The following LRRC7 variants were observed in gnomAD, a reference collection of about 807,000 sequenced individuals.
LRRC7 encodes leucine rich repeat containing 7.
A neutral mutation model predicts 175.7 loss-of-function variants in LRRC7; 23 were observed. The ratio of observed to expected loss-of-function variants is 0.13; its 90% confidence interval spans 0.09 to 0.19. LRRC7 has a LOEUF of 0.19. Among genes scored for constraint, LRRC7 ranks in the 10% least tolerant of loss-of-function variants. The pLI is 1.00. For missense variants in LRRC7, 1,354 were observed against 1,904.7 expected, an observed-to-expected ratio of 0.71 and a Z score of 5.38; for synonymous variants, 685 against 680.9, an observed-to-expected ratio of 1.01 and a Z score of -0.09.
At chr1:69,625,142 A>T (rs1319991067) in intron 1 of LRRC7, among the ~76,000 whole-genome samples, 2 of 151,876 alleles carry the variant, frequency 1.3e-5, no homozygotes, top group African/African-American at 4.8e-5. Context: ...TTGTGGGGAG[A>T]TTTTAATTAC....
chr1:69,732,495 C>T (rs1431957146), intron 2 of LRRC7, among the ~76,000 whole-genome samples: 1 of 151,976 alleles, frequency 6.6e-6, no homozygotes, highest in Non-Finnish European at 1.5e-5. Flanking sequence ...ATTCACAGAA[C>T]TTTAAAAGAG....
At position 69,770,951 on chromosome 1, in the gene LRRC7, G is replaced by A. The variant is rs1253449358; in HGVS notation, c.303+10558G>A. 2.0e-5 allele frequency among the ~76,000 whole-genome samples: 3 copies of A among 152,218 alleles called. No individual in the cohort carries two copies. In the East Asian group the frequency reaches 5.8e-4, roughly 29 times the overall value. ...GACGTAAGTCATGTATCCACTCTTC[G>A]ATTAATGTTTCCAGAAATACAAGAA... On this transcript the variant is annotated intron_variant, in intron 3 of 26. Coordinates refer to ENST00000651989, the MANE Select transcript of LRRC7 (RefSeq NM_001370785.2).
chr1:70,013,539 A>C (rs577137210), intron 13 of LRRC7, among the ~76,000 whole-genome samples: 77 of 152,130 alleles, frequency 5.1e-4, no homozygotes, highest in African/African-American at 1.8e-3. Context: ...CAAAGTGCTC[A>C]TTAGAATACT....
At chr1:70,050,852 C>T (rs1660693096) in intron 22 of LRRC7, among the ~76,000 whole-genome samples, 1 of 151,998 alleles carries the variant, frequency 6.6e-6, no homozygotes. Flanking sequence ...TCTATTTCTG[C>T]AGACTTAAGC....
intron 23 of LRRC7, among the ~76,000 whole-genome samples, chr1:70,056,890 G>A (rs547248326): frequency 1.3e-5 from 2 of 152,242 alleles, no homozygotes; most frequent in African/African-American, 4.8e-5. Flanking sequence ...ACGGTCAACT[G>A]TCAAATGATG....
intron 2 of LRRC7, among the ~76,000 whole-genome samples, chr1:69,752,683 T>C (rs1164581912): frequency 6.6e-6 from 1 of 151,784 alleles, no homozygotes; most frequent in Non-Finnish European, 1.5e-5. Context: ...TGTGGGAGAG[T>C]ATTGAAAAGG....
At chr1:69,792,211 G>A (rs1474958387) in intron 4 of LRRC7, 51 bp downstream of exon 4, 1 of 1,034,474 alleles carries the variant, frequency 9.7e-7, no homozygotes. Flanking sequence ...AACTGAAAAT[G>A]TGCTTTAATA....
intron 7 of LRRC7, among the ~76,000 whole-genome samples, chr1:69,885,924 G>C (rs1029767424): frequency 2.9e-5 from 3 of 102,868 alleles, no homozygotes; most frequent in Non-Finnish European, 6.3e-5. Flanking sequence ...TAGTTGAGCA[G>C]TTTTGAGTGA....
At chr1:70,008,813 G>T (rs1006907544) in intron 11 of LRRC7, among the ~76,000 whole-genome samples, 3 of 152,178 alleles carry the variant, frequency 2.0e-5, no homozygotes, top group African/African-American at 4.8e-5. Context: ...TGCTGTCTGT[G>T]TGTGAGCCAA....
intron 1 of LRRC7, among the ~76,000 whole-genome samples, chr1:69,642,310 T>A (rs1409479824): frequency 6.6e-6 from 1 of 151,228 alleles, no homozygotes; most frequent in African/African-American, 2.5e-5. Context: ...CAAATCTTGC[T>A]TGAAATTTTT....
intron 4 of LRRC7, among the ~76,000 whole-genome samples, chr1:69,807,435 C>T (rs147204949): frequency 0.034 from 5,203 of 152,034 alleles, 266 homozygotes; most frequent in African/African-American, 0.11. Flanking sequence ...CGACTGGTAC[C>T]GGTTGTTCCT....
intron 8 of LRRC7, among the ~76,000 whole-genome samples, chr1:69,942,396 T>C (rs995929152): frequency 6.6e-6 from 1 of 152,108 alleles, no homozygotes; most frequent in Non-Finnish European, 1.5e-5. Flanking sequence ...ATTCCAGGCC[T>C]ACATATATAC....
At chr1:69,687,664 CT>C (rs1422142970) in intron 2 of LRRC7, among the ~76,000 whole-genome samples, 4 of 110,572 alleles carry the variant, frequency 3.6e-5, no homozygotes, top group Non-Finnish European at 7.5e-5. Context: ...CATGATGCCT[CT>C]CTTGAGTTTT....
intron 11 of LRRC7, among the ~76,000 whole-genome samples, chr1:69,997,407 A>G (rs1446612282): frequency 7.4e-5 from 11 of 148,444 alleles, no homozygotes; most frequent in African/African-American, 1.5e-4. Flanking sequence ...TCTCCTGCCT[A>G]ATTGCCCTGG....
intron 21 of LRRC7, among the ~76,000 whole-genome samples, chr1:70,041,510 C>T (rs1659891575): frequency 1.3e-5 from 2 of 152,208 alleles, no homozygotes; most frequent in Non-Finnish European, 2.9e-5. Context: ...CATGCCTTAC[C>T]TCAAGTATAC....
chr1:69,861,050 G>A (rs564724589), intron 7 of LRRC7, among the ~76,000 whole-genome samples: 147 of 151,586 alleles, frequency 9.7e-4, no homozygotes, highest in Middle Eastern at 3.4e-3. Context: ...GAAAGAGGAG[G>A]AAAACACTCT....
At chr1:70,073,009 T>G (rs1482252872) in intron 23 of LRRC7, among the ~76,000 whole-genome samples, 1 of 152,314 alleles carries the variant, frequency 6.6e-6, no homozygotes, top group African/African-American at 2.4e-5. Context: ...ATAGACAGAC[T>G]TGGTTCAAAT....
At chr1:69,869,631 A>G (rs905869965) in intron 7 of LRRC7, among the ~76,000 whole-genome samples, 5 of 152,150 alleles carry the variant, frequency 3.3e-5, no homozygotes, top group African/African-American at 7.2e-5. Flanking sequence ...CAATATACTT[A>G]AAAGAAAAGA....
intron 7 of LRRC7, among the ~76,000 whole-genome samples, chr1:69,904,178 A>G (rs929646389): frequency 1.3e-5 from 2 of 152,210 alleles, no homozygotes; most frequent in Admixed American, 6.5e-5. Flanking sequence ...GGAATATCTT[A>G]CATAGAAGGA....
Sources: allele counts gnomAD v4.1 joint callset (sites outside exome capture counted in the v4.1 genomes callset), GRCh38; gene constraint gnomAD v4.1.1; transcripts MANE v1.5; gene names NCBI Gene and HGNC (gene_info 2026-07-23, HGNC 2026-07-21).